The following MEIS2 variants were observed in gnomAD, a reference collection of about 807,000 sequenced individuals.
The protein encoded by MEIS2 is Meis homeobox 2.
A neutral mutation model predicts 58.6 loss-of-function variants in MEIS2; 9 were observed. The observed-to-expected ratio is 0.15, with a 90% CI of 0.09 to 0.27. The LOEUF (loss-of-function observed/expected upper bound fraction) is 0.27. Ranked by LOEUF, MEIS2 falls within the 10% of genes least tolerant of loss-of-function variation. The probability of loss-of-function intolerance (pLI) is 1.00; values close to 1 mark genes in which losing one functional copy is unlikely to be tolerated. For synonymous variants in MEIS2, 221 were observed against 228.4 expected (o/e 0.97, Z 0.29); for missense variants, 427 against 635.0 (o/e 0.67, Z 3.52).
chr15:37,032,977 T>A (rs2061989528), intron 8 of MEIS2, among the ~76,000 whole-genome samples: 1 of 152,218 alleles, frequency 6.6e-6, no homozygotes, highest in South Asian at 2.1e-4. Context: ...GTTTGTTACC[T>A]TTCCCCCTGA....
chr15:37,017,998 G>GT (rs1200042474), intron 8 of MEIS2, among the ~76,000 whole-genome samples: 2 of 152,162 alleles, frequency 1.3e-5, no homozygotes, highest in African/African-American at 4.8e-5. Context: ...AGGCAATGTG[G>GT]TAAGTGCCTG....
intron 7 of MEIS2, among the ~76,000 whole-genome samples, chr15:37,076,620 T>C (rs1275209311): frequency 2.0e-5 from 3 of 152,042 alleles, no homozygotes; most frequent in Non-Finnish European, 4.4e-5. Context: ...CAAGGAATGA[T>C]GATGTTTTAA....
chr15:37,044,379 C>A (rs2062573296), intron 7 of MEIS2, among the ~76,000 whole-genome samples: 1 of 152,130 alleles, frequency 6.6e-6, no homozygotes, highest in Admixed American at 6.5e-5. Context: ...AACCGAGAAA[C>A]AAGCATCTCA....
At chr15:37,022,731 C>G (rs2061566837) in intron 8 of MEIS2, among the ~76,000 whole-genome samples, 1 of 152,166 alleles carries the variant, frequency 6.6e-6, no homozygotes, top group Non-Finnish European at 1.5e-5. Flanking sequence ...CCTCGTCTCC[C>G]AGGAGGGAGC....
At chr15:36,906,755 C>T (rs2056762947) in intron 9 of MEIS2, among the ~76,000 whole-genome samples, 1 of 151,758 alleles carries the variant, frequency 6.6e-6, no homozygotes, top group South Asian at 2.1e-4. Flanking sequence ...ATGAATATTC[C>T]AGAGCTGCAG....
intron 8 of MEIS2, among the ~76,000 whole-genome samples, chr15:36,959,842 G>C (rs2059120897): frequency 6.6e-6 from 1 of 152,092 alleles, no homozygotes; most frequent in Non-Finnish European, 1.5e-5. Flanking sequence ...TTTAAAACAA[G>C]AGTCTGAAGT....
intron 8 of MEIS2, among the ~76,000 whole-genome samples, chr15:37,024,332 T>C (rs2061629222): frequency 1.3e-5 from 2 of 152,174 alleles, no homozygotes; most frequent in Admixed American, 6.5e-5. Context: ...TCTTCACATA[T>C]AGTCTTCAAA....
chr15:37,079,928 G>A (rs1466671430), intron 7 of MEIS2, among the ~76,000 whole-genome samples: 1 of 152,128 alleles, frequency 6.6e-6, no homozygotes, highest in Non-Finnish European at 1.5e-5. Flanking sequence ...TGTGAGCTCA[G>A]CAGTTACTGG....
At chr15:37,094,906 C>T (rs1425732473) in intron 4 of MEIS2, 1 of 179,208 alleles carries the variant, frequency 5.6e-6, no homozygotes, top group African/African-American at 2.4e-5. Flanking sequence ...TAAACATCCC[C>T]TCCCTCGACC....
At chr15:36,900,233 T>C (rs1436733848) in intron 9 of MEIS2, among the ~76,000 whole-genome samples, 2 of 152,220 alleles carry the variant, frequency 1.3e-5, no homozygotes, top group Non-Finnish European at 2.9e-5. Flanking sequence ...GTAAGCTTAG[T>C]GTCTAGCTCT....
chr15:37,013,664 C>T (rs2061246016), intron 8 of MEIS2, among the ~76,000 whole-genome samples: 1 of 150,356 alleles, frequency 6.7e-6, no homozygotes, highest in Non-Finnish European at 1.5e-5. Flanking sequence ...TCAAACAGCT[C>T]AATGAATTCA....
chr15:36,933,162 A>C (rs2141337572), intron 9 of MEIS2, among the ~76,000 whole-genome samples: 1 of 152,276 alleles, frequency 6.6e-6, no homozygotes, highest in Middle Eastern at 3.4e-3. Context: ...GGGCATTTCC[A>C]GTCTGTGCTG....
chr15:37,068,389 A>G (rs1890242958), intron 7 of MEIS2, among the ~76,000 whole-genome samples: 1 of 152,136 alleles, frequency 6.6e-6, no homozygotes, highest in Non-Finnish European at 1.5e-5. Flanking sequence ...GCTTTGACAA[A>G]CTCAACAAAT....
At chr15:37,045,922 GTCT>G (rs1239985605) in intron 7 of MEIS2, among the ~76,000 whole-genome samples, 1 of 152,192 alleles carries the variant, frequency 6.6e-6, no homozygotes, top group Non-Finnish European at 1.5e-5. Context: ...GAAAAAACAA[GTCT>G]TCATCGGCTT....
chr15:37,098,477 G>C lies in MEIS2; in HGVS notation c.13-278C>G, dbSNP rs911545694. 7.2e-6 allele frequency: 7 copies of C among 969,656 alleles called. No homozygotes were observed. The Admixed American group carries it at 1.3e-4, about 17-fold the overall frequency. 60.1% of individuals were successfully genotyped at this position (969,656 alleles called of 1,614,324 possible). A position where few individuals can be genotyped will look rare whatever the true frequency, so the allele number is the denominator to read the frequency against. On this transcript the variant is annotated intron_variant, in intron 1 of 11. Coordinates refer to ENST00000561208, the MANE Select transcript of MEIS2 (RefSeq NM_170675.5). The stretch of plus-strand genomic sequence containing the variant: ...AGGAGAAAAGTACCGAGCACAAGTT[G>C]AGCACACAGAAACCAAACCAGCCAA...
intron 8 of MEIS2, among the ~76,000 whole-genome samples, chr15:36,960,987 T>C (rs1418965445): frequency 6.6e-6 from 1 of 152,112 alleles, no homozygotes; most frequent in African/African-American, 2.4e-5. Context: ...GTTTTGGAAC[T>C]CCCCACAGTT....
chr15:37,019,763 TCA>T (rs1307150242), intron 8 of MEIS2, among the ~76,000 whole-genome samples: 1 of 152,096 alleles, frequency 6.6e-6, no homozygotes, highest in East Asian at 1.9e-4. Context: ...TTCCAACTGC[TCA>T]CAGTGTGGAT....
intron 8 of MEIS2, among the ~76,000 whole-genome samples, chr15:37,028,453 TC>T (rs2061787727): frequency 1.3e-5 from 2 of 152,158 alleles, no homozygotes; most frequent in Admixed American, 1.3e-4. Context: ...ATGCAATTTT[TC>T]CCCCTCAAGA....
intron 5 of MEIS2, chr15:37,094,072 G>A: frequency 3.4e-6 from 1 of 291,338 alleles, no homozygotes; most frequent in African/African-American, 2.3e-5. Flanking sequence ...ATTGGAGCTG[G>A]GGAGAGCATT....
Sources: gnomAD v4.1 joint callset for allele counts (sites outside exome capture counted in the v4.1 genomes callset) on GRCh38, gnomAD v4.1.1 for gene constraint, MANE v1.5 for transcripts, NCBI Gene and HGNC (gene_info 2026-07-23, HGNC 2026-07-21) for gene names.